LIN7A: variants seen among roughly 807,000 people sequenced by gnomAD.
LIN7A encodes lin-7 cell polarity scaffold A.
Under a neutral mutation model 29.8 loss-of-function variants are expected in LIN7A, and 25 were observed. That is an observed-to-expected ratio of 0.84 (90% CI 0.61 to 1.17). The LOEUF is 1.17. LIN7A is among the 50% of genes most tolerant of loss of function. The pLI, the probability that LIN7A is intolerant of heterozygous loss-of-function variation, is 0.00. For synonymous variants in LIN7A, 118 were observed against 107.5 expected (o/e 1.10, Z -0.60); for missense variants, 239 against 287.0 (o/e 0.83, Z 1.21).
Position 80,803,693 on chromosome 12 carries a change from C to T in LIN7A, c.*1-5967G>A, listed in dbSNP as rs182068796. Among the ~76,000 whole-genome samples the T allele has an allele frequency of 1.4e-4, 22 of 152,072 alleles. No homozygotes were observed. In the South Asian group the frequency reaches 3.5e-3, roughly 24 times the overall value. Reference sequence around the variant, plus strand: ...GACATTGGAATTTTGATAGTAAGAGCATTGAATTCTACAGCATTATAGGAA... The same window carrying T: ...GACATTGGAATTTTGATAGTAAGAGTATTGAATTCTACAGCATTATAGGAA... On this transcript the variant is annotated intron_variant, in intron 5 of 5. Coordinates refer to ENST00000552864, the MANE Select transcript of LIN7A (RefSeq NM_004664.4).
chr12:80,849,075 A>G (rs1229781586), intron 2 of LIN7A, among the ~76,000 whole-genome samples: 1 of 152,152 alleles, frequency 6.6e-6, no homozygotes, highest in Non-Finnish European at 1.5e-5. Context: ...CCCAGGTGAC[A>G]TGGTTAGAAG....
intron 5 of LIN7A, among the ~76,000 whole-genome samples, chr12:80,806,457 CA>C (rs1870994289): frequency 6.6e-6 from 1 of 152,158 alleles, no homozygotes; most frequent in Admixed American, 6.5e-5. Context: ...ACAGTACTTG[CA>C]TTAAATCTTT....
rs560031244 is a variant in LIN7A, at chr12:80,810,987, A to G, written c.*478T>C. Reference sequence around the variant, plus strand: ...ATTCTTTTCAGTGGGGCACTTTTCCAATAAATTGTATCTCAGTATTCTAAA... The same window carrying G: ...ATTCTTTTCAGTGGGGCACTTTTCCGATAAATTGTATCTCAGTATTCTAAA... On this transcript the variant is annotated intron_variant, in intron 5 of 5. Transcript: ENST00000552864. Among the ~76,000 whole-genome samples the G allele has an allele frequency of 2.6e-5, 4 of 152,256 alleles. No homozygotes were observed. The South Asian group carries it at 8.3e-4, about 32-fold the overall frequency.
intron 5 of LIN7A, among the ~76,000 whole-genome samples, chr12:80,805,863 T>A (rs144101219): frequency 2.4e-4 from 37 of 151,986 alleles, no homozygotes; most frequent in Admixed American, 1.3e-3. Context: ...GATGGGTTTA[T>A]CAGGGGTTTC....
intron 4 of LIN7A, among the ~76,000 whole-genome samples, chr12:80,828,152 C>T (rs541241587): frequency 6.6e-5 from 10 of 152,192 alleles, no homozygotes; most frequent in East Asian, 5.8e-4. Flanking sequence ...TTGATATAGG[C>T]TTTTTGAGTC....
At chr12:80,849,813 T>C (rs1388714050) in intron 2 of LIN7A, among the ~76,000 whole-genome samples, 1 of 152,152 alleles carries the variant, frequency 6.6e-6, no homozygotes, top group Non-Finnish European at 1.5e-5. Context: ...TCATCCAAAT[T>C]TAATATGATG....
chr12:80,921,930 A>G (rs1230828253), intron 1 of LIN7A, among the ~76,000 whole-genome samples: 1 of 152,204 alleles, frequency 6.6e-6, no homozygotes, highest in Non-Finnish European at 1.5e-5. Flanking sequence ...AGAAGGATGC[A>G]AATATTCCCT....
chr12:80,831,928 A>G (rs1206983879), intron 4 of LIN7A, among the ~76,000 whole-genome samples: 1 of 152,348 alleles, frequency 6.6e-6, no homozygotes, highest in Admixed American at 6.5e-5. Flanking sequence ...GGGGAATTTC[A>G]GGATGAGTGG....
chr12:80,839,681 C>T (rs1352179585), intron 4 of LIN7A, among the ~76,000 whole-genome samples: 1 of 152,204 alleles, frequency 6.6e-6, no homozygotes, highest in African/African-American at 2.4e-5. Flanking sequence ...CTTCACAGAG[C>T]TCGAATCTAC....
chr12:80,816,480 T>G (rs1253171091), intron 4 of LIN7A, among the ~76,000 whole-genome samples: 1 of 139,210 alleles, frequency 7.2e-6, no homozygotes, highest in Admixed American at 7.0e-5. Context: ...TTATATACAA[T>G]AGTTATATAT....
intron 4 of LIN7A, among the ~76,000 whole-genome samples, chr12:80,820,149 C>T (rs1045312979): frequency 2.0e-5 from 3 of 152,092 alleles, no homozygotes; most frequent in East Asian, 1.9e-4. Context: ...TCAACAATGT[C>T]GCGCTCTGTT....
chr12:80,877,961 C>T (rs1874802002), intron 2 of LIN7A, among the ~76,000 whole-genome samples: 3 of 152,036 alleles, frequency 2.0e-5, no homozygotes. Context: ...AATGTTCACT[C>T]TATCTGACTG....
chr12:80,803,825 C>T (rs941820810), intron 5 of LIN7A, among the ~76,000 whole-genome samples: 4 of 152,054 alleles, frequency 2.6e-5, no homozygotes, highest in Non-Finnish European at 5.9e-5. Context: ...GTATGGGGTA[C>T]TATTTTAAAG....
chr12:80,795,191 CCTT>C lies in LIN7A; in HGVS notation c.*2533_*2535del, dbSNP rs1263203267. ...AGTATAATACAAGTTGTGGTAATTT[CCTT>C]CTTCTGGCTTCAGTGAAACTTAAGA... On this transcript the variant is annotated 3_prime_UTR_variant, in exon 6 of 6. Transcript: ENST00000552864. 17 of 152,130 alleles carry C rather than the reference CCTT, an allele frequency of 1.1e-4. No individual in the cohort carries two copies. The highest frequency in any genetic ancestry group is 3.6e-4 in the African/African-American group (15 of 41,518). 9.4% of individuals were successfully genotyped at this position (152,130 alleles called of 1,614,324 possible). A position where few individuals can be genotyped will look rare whatever the true frequency, so the allele number is the denominator to read the frequency against.
At chr12:80,829,696 A>G (rs1365216592) in intron 4 of LIN7A, among the ~76,000 whole-genome samples, 1 of 152,190 alleles carries the variant, frequency 6.6e-6, no homozygotes, top group East Asian at 1.9e-4. Flanking sequence ...CTGAAAATGA[A>G]ATGAGTTGGC....
chr12:80,815,826 T>G (rs1281422921), intron 4 of LIN7A, among the ~76,000 whole-genome samples: 1 of 152,158 alleles, frequency 6.6e-6, no homozygotes. Flanking sequence ...TAACAAGGCC[T>G]TGCAATGGAC....
intron 2 of LIN7A, among the ~76,000 whole-genome samples, chr12:80,874,338 C>T (rs1035534536): frequency 2.0e-5 from 3 of 152,044 alleles, no homozygotes; most frequent in Non-Finnish European, 4.4e-5. Flanking sequence ...TGTGGTAGAT[C>T]CAGAAATACA....
At chr12:80,883,112 C>G (rs978867858) in intron 2 of LIN7A, among the ~76,000 whole-genome samples, 1 of 151,378 alleles carries the variant, frequency 6.6e-6, no homozygotes, top group Non-Finnish European at 1.5e-5. Context: ...CTTTTTCCTT[C>G]TTCTGTTTTT....
chr12:80,912,198 C>T (rs1457539100), intron 1 of LIN7A, among the ~76,000 whole-genome samples: 1 of 151,954 alleles, frequency 6.6e-6, no homozygotes, highest in African/African-American at 2.4e-5. Flanking sequence ...TAATGGAATG[C>T]AAATTCAAAT....
Sources: gnomAD v4.1 joint callset for allele counts (sites outside exome capture counted in the v4.1 genomes callset) on GRCh38, gnomAD v4.1.1 for gene constraint, MANE v1.5 for transcripts, NCBI Gene and HGNC (gene_info 2026-07-23, HGNC 2026-07-21) for gene names.